The following ROR1 variants were observed in gnomAD, a reference collection of about 807,000 sequenced individuals.
ROR1 encodes ROR family WNT receptor 1.
ROR1 carries 19 observed loss-of-function variants against 78.8 expected under a neutral mutation model. The ratio of observed to expected loss-of-function variants is 0.24; its 90% CI spans 0.17 to 0.35. ROR1 has a LOEUF of 0.35. Among genes scored for constraint, ROR1 ranks in the 10% least tolerant of loss-of-function variants. ROR1 has a pLI of 1.00. For missense variants in ROR1, 917 were observed against 1,177.8 expected (o/e 0.78, Z 3.24); for synonymous variants, 386 against 433.6 (o/e 0.89, Z 1.36).
At chr1:63,863,669 A>G (rs958865185) in intron 1 of ROR1, among the ~76,000 whole-genome samples, 1 of 151,892 alleles carries the variant, frequency 6.6e-6, no homozygotes, top group African/African-American at 2.4e-5. Flanking sequence ...TATTTGTGAT[A>G]AGTTTCACAG....
rs565881224 is a variant in ROR1 at position 63,978,035 on chromosome 1, C to A, written c.92-31270C>A. On this transcript the variant is annotated intron_variant, in intron 1 of 8. Coordinates refer to ENST00000371079, the MANE Select transcript of ROR1 (RefSeq NM_005012.4). ...TGCCTTAGGGACCATCAACAACAGGCCCCTCCTTTTATCCATGAGACTACT... is the reference window on the plus strand; with the variant it reads ...TGCCTTAGGGACCATCAACAACAGGACCCTCCTTTTATCCATGAGACTACT... Among the ~76,000 whole-genome samples, 30 of 152,234 alleles carry A rather than the reference C, an allele frequency of 2.0e-4. 1 individual carries two copies. In the East Asian group the frequency reaches 5.8e-3, roughly 29 times the overall value.
chr1:63,853,992 C>T (rs1645132672), intron 1 of ROR1, among the ~76,000 whole-genome samples: 1 of 152,128 alleles, frequency 6.6e-6, no homozygotes, highest in South Asian at 2.1e-4. Flanking sequence ...GTGACTGTGG[C>T]CTAGCCTCTT....
intron 1 of ROR1, among the ~76,000 whole-genome samples, chr1:63,806,330 T>TG (rs1644828613): frequency 6.6e-6 from 1 of 150,894 alleles, no homozygotes; most frequent in Non-Finnish European, 1.5e-5. Flanking sequence ...TTTTTTTTTT[T>TG]TTTTTGAGAT....
chr1:63,852,273 G>T (rs1645118749), intron 1 of ROR1, among the ~76,000 whole-genome samples: 1 of 152,198 alleles, frequency 6.6e-6, no homozygotes, highest in Admixed American at 6.5e-5. Context: ...CTCTGCCGGG[G>T]CATACATGTA....
intron 2 of ROR1, among the ~76,000 whole-genome samples, chr1:64,033,790 CCAAA>C (rs1240491209): frequency 2.6e-5 from 4 of 152,286 alleles, no homozygotes; most frequent in South Asian, 4.1e-4. Flanking sequence ...CTTGCATGTG[CCAAA>C]CACTTTCCTA....
intron 8 of ROR1, among the ~76,000 whole-genome samples, chr1:64,167,030 A>G (rs1177042382): frequency 2.0e-5 from 3 of 152,214 alleles, no homozygotes; most frequent in Non-Finnish European, 4.4e-5. Flanking sequence ...GATTTTTAGG[A>G]TGAGAAAACT....
chr1:63,856,456 T>A (rs562132054), intron 1 of ROR1, among the ~76,000 whole-genome samples: 9 of 152,312 alleles, frequency 5.9e-5, no homozygotes, highest in African/African-American at 1.7e-4. Flanking sequence ...GCCACACATG[T>A]ATGCACTGAT....
intron 1 of ROR1, among the ~76,000 whole-genome samples, chr1:63,939,166 T>C (rs758491442): frequency 3.5e-4 from 54 of 152,186 alleles, no homozygotes; most frequent in African/African-American, 1.3e-3. Flanking sequence ...TGAGAAGCAG[T>C]TGTCTTTCCC....
At chr1:63,946,065 C>T (rs1407966903) in intron 1 of ROR1, among the ~76,000 whole-genome samples, 1 of 152,200 alleles carries the variant, frequency 6.6e-6, no homozygotes, top group Admixed American at 6.5e-5. Flanking sequence ...AGCTTCTCTC[C>T]TGCACTCATT....
At chr1:63,975,806 T>C (rs1410684605) in intron 1 of ROR1, among the ~76,000 whole-genome samples, 3 of 152,134 alleles carry the variant, frequency 2.0e-5, no homozygotes, top group Non-Finnish European at 2.9e-5. Context: ...GACCTGTGAT[T>C]GGGAGAGGGG....
At chr1:63,994,098 T>A (rs1646317697) in intron 1 of ROR1, among the ~76,000 whole-genome samples, 1 of 152,182 alleles carries the variant, frequency 6.6e-6, no homozygotes, top group Non-Finnish European at 1.5e-5. Context: ...TTTTATATTA[T>A]CAGTCAGGTT....
At chr1:64,024,970 T>C (rs1259949741) in intron 2 of ROR1, among the ~76,000 whole-genome samples, 3 of 152,228 alleles carry the variant, frequency 2.0e-5, no homozygotes, top group Non-Finnish European at 4.4e-5. Context: ...TTTTCTAGTT[T>C]AACTTTTAAT....
chr1:64,141,856 C>T (rs550673490), intron 6 of ROR1, among the ~76,000 whole-genome samples: 1 of 151,372 alleles, frequency 6.6e-6, no homozygotes, highest in Admixed American at 6.6e-5. Flanking sequence ...TTTTAAGCCC[C>T]TCTGGCCACG....
intron 1 of ROR1, among the ~76,000 whole-genome samples, chr1:63,920,284 C>T (rs1323931519): frequency 6.6e-6 from 1 of 152,158 alleles, no homozygotes; most frequent in Admixed American, 6.5e-5. Context: ...GAAGGAAAGA[C>T]CTCAGGCTGA....
At chr1:63,853,110 G>A in intron 1 of ROR1, among the ~76,000 whole-genome samples, 1 of 152,152 alleles carries the variant, frequency 6.6e-6, no homozygotes, top group East Asian at 1.9e-4. Context: ...GGGAAAAGAT[G>A]TCTAATATGA....
intron 1 of ROR1, among the ~76,000 whole-genome samples, chr1:63,865,864 A>G (rs1428012237): frequency 6.6e-6 from 1 of 152,182 alleles, no homozygotes; most frequent in Non-Finnish European, 1.5e-5. Flanking sequence ...TGTTGAACAG[A>G]ACAACTGATG....
At chr1:63,893,934 C>T (rs934899485) in intron 1 of ROR1, among the ~76,000 whole-genome samples, 28 of 152,186 alleles carry the variant, frequency 1.8e-4, no homozygotes, top group African/African-American at 5.5e-4. Context: ...CCTCAGCATA[C>T]GATTTTTTTC....
chr1:63,871,232 A>G lies in ROR1; in HGVS notation c.91+96724A>G, dbSNP rs1569845272. Among the ~76,000 whole-genome samples, 3 of 152,164 alleles carry G rather than the reference A, an allele frequency of 2.0e-5. No individual in the cohort carries two copies. The South Asian group carries it at 6.2e-4, about 31-fold the overall frequency. ...GTATTTCAAAATCTATGAAAAGGAG[A>G]CAGTTCTGGTCACCATAATAAGTAC... On this transcript the variant is annotated intron_variant, in intron 1 of 8. Transcript: ENST00000371079.
At position 64,069,390 on chromosome 1, in the gene ROR1, C is replaced by T. The variant is rs191581714; in HGVS notation, c.482+18674C>T. On this transcript the variant is annotated intron_variant, in intron 4 of 8. Transcript: ENST00000371079. ...AAACACTACAGAACTCGTAACTTCT[C>T]CACAATAGTACATGTTTGAATCAAT... is the stretch of plus-strand genomic sequence containing the variant. Among the ~76,000 whole-genome samples the T allele has an allele frequency of 1.3e-4, 20 of 152,210 alleles. No individual in the cohort carries two copies. In the East Asian group the frequency reaches 3.9e-3, roughly 29 times the overall value.
Sources: gnomAD v4.1 joint callset for allele counts (sites outside exome capture counted in the v4.1 genomes callset) on GRCh38, gnomAD v4.1.1 for gene constraint, MANE v1.5 for transcripts, NCBI Gene and HGNC (gene_info 2026-07-23, HGNC 2026-07-21) for gene names.